Variants in CSRNP3 observed in about 807,000 individuals in gnomAD.
CSRNP3 encodes cysteine/serine-rich nuclear protein 3.
CSRNP3 carries 12 observed loss-of-function variants against 48.0 expected under a neutral mutation model. The ratio of observed to expected loss-of-function variants is 0.25; its 90% CI spans 0.16 to 0.41. The LOEUF is 0.41. CSRNP3 is among the 10% of genes least tolerant of loss of function. The pLI is 1.00. For missense variants in CSRNP3, 580 were observed against 724.4 expected (o/e 0.80, Z 2.29); for synonymous variants, 263 against 269.7 (o/e 0.98, Z 0.24).
chr2:165,598,213 T>C (rs1365111501), intron 4 of CSRNP3, among the ~76,000 whole-genome samples: 1 of 152,126 alleles, frequency 6.6e-6, no homozygotes, highest in Admixed American at 6.6e-5. Context: ...GGTAACTCAT[T>C]CAATTAATTT....
At chr2:165,601,166 T>C (rs969372060) in intron 4 of CSRNP3, among the ~76,000 whole-genome samples, 4 of 152,228 alleles carry the variant, frequency 2.6e-5, no homozygotes, top group Non-Finnish European at 5.9e-5. Flanking sequence ...TGAAACGCTT[T>C]GTTTCATCAA....
chr2:165,543,201 A>G (rs77019673), intron 3 of CSRNP3, among the ~76,000 whole-genome samples: 2,376 of 152,282 alleles, frequency 0.016, 27 homozygotes, highest in South Asian at 0.032. Flanking sequence ...CCAGACATCT[A>G]TCTGGACTGC....
intron 3 of CSRNP3, among the ~76,000 whole-genome samples, chr2:165,537,730 A>G (rs913799383): frequency 6.6e-6 from 1 of 151,574 alleles, no homozygotes; most frequent in Non-Finnish European, 1.5e-5. Context: ...AAGTTATCAT[A>G]CTTCTTTTCT....
chr2:165,558,149 A>G (rs1437533709), intron 3 of CSRNP3, among the ~76,000 whole-genome samples: 3 of 152,170 alleles, frequency 2.0e-5, no homozygotes, highest in South Asian at 2.1e-4. Flanking sequence ...AGGGGGGGAA[A>G]AAACTATTGT....
chr2:165,534,363 G>A (rs10204935), intron 3 of CSRNP3, among the ~76,000 whole-genome samples: 13,598 of 151,888 alleles, frequency 0.09, 921 homozygotes, highest in Middle Eastern at 0.14. Flanking sequence ...AGTTGCTATT[G>A]AATGAGTTTA....
chr2:165,679,479 C>T lies in CSRNP3; in HGVS notation c.1484C>T (p.Ala495Val), dbSNP rs745462883. The stretch of plus-strand genomic sequence containing the variant: ...GCCTATGGTGCCTCCCACTACCCAG[C>T]TGCCAACCCCTCTGTAATCGTTTGC... ...EEAYGASHYP[A>V]ANPSVIVCCS... is the part of the protein sequence containing the mutation. Residue 495 changes from alanine to valine, a missense_variant, in exon 7 of 7, where the codon GCT (alanine) becomes GTT (valine). Coordinates refer to ENST00000651982, the MANE Select transcript of CSRNP3 (RefSeq NM_001172173.2). 6.2e-7 allele frequency: 1 copy of T among 1,613,544 alleles called. No individual in the cohort carries two copies. The highest frequency in any genetic ancestry group is 1.1e-5 in the South Asian group (1 of 91,058).
intron 4 of CSRNP3, among the ~76,000 whole-genome samples, chr2:165,597,284 G>C (rs914811073): frequency 6.6e-6 from 1 of 152,092 alleles, no homozygotes; most frequent in African/African-American, 2.4e-5. Context: ...GGGCGCCCAG[G>C]CATTTCTAAT....
rs373153867 is a variant in CSRNP3, at chr2:165,514,150, A to G, written c.-112-3723A>G. 6.6e-5 allele frequency among the ~76,000 whole-genome samples: 10 copies of G among 152,390 alleles called. No individual in the cohort carries two copies. The East Asian group carries it at 1.2e-3, about 18-fold the overall frequency. On this transcript the variant is annotated intron_variant, in intron 2 of 6. Coordinates refer to ENST00000651982, the MANE Select transcript of CSRNP3 (RefSeq NM_001172173.2). Reference sequence around the variant, plus strand: ...AGTATACAGTTATCAGTCTTCTACAAGTTTTAAACTCCTCAAACATTTTTT... The same window carrying G: ...AGTATACAGTTATCAGTCTTCTACAGGTTTTAAACTCCTCAAACATTTTTT...
chr2:165,478,321 A>C (rs868648261), intron 1 of CSRNP3, among the ~76,000 whole-genome samples: 2 of 141,842 alleles, frequency 1.4e-5, no homozygotes, highest in Non-Finnish European at 3.1e-5. Context: ...TTCCAAAATT[A>C]TTCAATTACA....
rs929651820 is a variant in CSRNP3 at position 165,678,614 on chromosome 2, T to C, written c.706-87T>C. The C allele has an allele frequency of 4.7e-6, 7 of 1,475,984 alleles. No individual in the cohort carries two copies. The Middle Eastern group carries it at 7.1e-4, about 149-fold the overall frequency. 91.4% of individuals were successfully genotyped at this position (1,475,984 alleles called of 1,614,324 possible). On this transcript the variant is annotated intron_variant, in intron 6 of 6. Transcript: ENST00000651982. ...ATGTGGAATTAAGTGGATGGATTACTTAATTCAAAGAAGTTACTGAAAAGT... is the reference window on the plus strand; with the variant it reads ...ATGTGGAATTAAGTGGATGGATTACCTAATTCAAAGAAGTTACTGAAAAGT...
intron 4 of CSRNP3, among the ~76,000 whole-genome samples, chr2:165,653,843 A>G (rs1686957231): frequency 1.3e-5 from 2 of 151,852 alleles, no homozygotes; most frequent in South Asian, 4.2e-4. Flanking sequence ...GTGGTGGCAG[A>G]TACCTGTAAT....
chr2:165,666,200 AG>A (rs1687196075), intron 5 of CSRNP3, among the ~76,000 whole-genome samples: 1 of 145,240 alleles, frequency 6.9e-6, no homozygotes, highest in African/African-American at 2.6e-5. Context: ...GGAAAGAGAG[AG>A]AGGAAGAAAG....
At chr2:165,670,423 A>C (rs922261396) in intron 5 of CSRNP3, among the ~76,000 whole-genome samples, 1 of 152,180 alleles carries the variant, frequency 6.6e-6, no homozygotes, top group Non-Finnish European at 1.5e-5. Context: ...CCAAATAATC[A>C]TAAAAGATTG....
At chr2:165,674,449 A>G (rs116170924) in intron 5 of CSRNP3, among the ~76,000 whole-genome samples, 1,655 of 151,916 alleles carry the variant, frequency 0.011, 34 homozygotes, top group African/African-American at 0.037. Context: ...GACAAACACA[A>G]CCAGTCAATG....
chr2:165,593,859 C>A (rs766405132), intron 3 of CSRNP3, among the ~76,000 whole-genome samples: 1 of 152,172 alleles, frequency 6.6e-6, no homozygotes, highest in East Asian at 1.9e-4. Flanking sequence ...AATCTGAAAT[C>A]TAAAATGTTC....
intron 5 of CSRNP3, among the ~76,000 whole-genome samples, chr2:165,665,212 G>C (rs1222182104): frequency 6.6e-6 from 1 of 152,062 alleles, no homozygotes; most frequent in African/African-American, 2.4e-5. Flanking sequence ...ACATTGCCAG[G>C]GTGCGCCACT....
chr2:165,635,184 G>A (rs966588088), intron 4 of CSRNP3, among the ~76,000 whole-genome samples: 1 of 152,212 alleles, frequency 6.6e-6, no homozygotes, highest in African/African-American at 2.4e-5. Flanking sequence ...GCCAGGCTGG[G>A]CCCCTGGGGT....
chr2:165,644,010 A>G (rs1686771585), intron 4 of CSRNP3, among the ~76,000 whole-genome samples: 1 of 152,220 alleles, frequency 6.6e-6, no homozygotes, highest in Non-Finnish European at 1.5e-5. Context: ...TGTTTTTGCT[A>G]GAGGTCAGTA....
At chr2:165,541,020 G>A (rs1403929110) in intron 3 of CSRNP3, among the ~76,000 whole-genome samples, 16 of 151,802 alleles carry the variant, frequency 1.1e-4, no homozygotes, top group Admixed American at 7.9e-4. Context: ...ACATTATAAC[G>A]TCTTGTATTG....
Sources: gnomAD v4.1 joint callset for allele counts (sites outside exome capture counted in the v4.1 genomes callset) on GRCh38, gnomAD v4.1.1 for gene constraint, MANE v1.5 for transcripts, NCBI Gene and HGNC (gene_info 2026-07-23, HGNC 2026-07-21) for gene names.